EPHB1: variants seen among roughly 807,000 people sequenced by gnomAD.
EPHB1 encodes EPH receptor B1, also known as ephrin type-B receptor 1.
In EPHB1, 30 loss-of-function variants were observed where a neutral mutation model predicts 94.4. That is an observed-to-expected ratio of 0.32 (90% confidence interval 0.24 to 0.43). The LOEUF is 0.43. Ranked by LOEUF, EPHB1 falls within the 20% of genes least tolerant of loss-of-function variation. EPHB1 has a pLI of 1.00. For missense variants in EPHB1, 1,055 were observed against 1,308.3 expected (o/e 0.81, Z 2.99); for synonymous variants, 522 against 489.1 (o/e 1.07, Z -0.89).
intron 3 of EPHB1, among the ~76,000 whole-genome samples, chr3:134,960,218 G>A (rs1443786546): frequency 6.6e-6 from 1 of 151,954 alleles, no homozygotes; most frequent in African/African-American, 2.4e-5. Flanking sequence ...GTGCAGTAGG[G>A]TGAAGAAGAC....
intron 12 of EPHB1, among the ~76,000 whole-genome samples, chr3:135,234,787 T>TGAGAACTC (rs1331752421): frequency 3.9e-5 from 6 of 152,202 alleles, no homozygotes; most frequent in Non-Finnish European, 7.3e-5. Flanking sequence ...TCAGATCTTG[T>TGAGAACTC]GAGAACTCAC....
chr3:135,107,891 G>C (rs1230609129), intron 4 of EPHB1, among the ~76,000 whole-genome samples: 1 of 152,144 alleles, frequency 6.6e-6, no homozygotes, highest in East Asian at 1.9e-4. Flanking sequence ...TGTTTCTGCT[G>C]ACCAGAAGTC....
chr3:135,000,182 A>G (rs1021889765), intron 3 of EPHB1, among the ~76,000 whole-genome samples: 2 of 152,204 alleles, frequency 1.3e-5, no homozygotes, highest in African/African-American at 4.8e-5. Flanking sequence ...CATGTGAAAA[A>G]CCTAGCTTTG....
At chr3:134,979,935 C>A (rs36117) in intron 3 of EPHB1, among the ~76,000 whole-genome samples, 95,968 of 152,050 alleles carry the variant, frequency 0.63, 32,106 homozygotes, top group African/African-American at 0.83. Flanking sequence ...TGTTACTTTG[C>A]GGCCCAAATG....
At chr3:134,936,696 G>T (rs2039009872) in intron 2 of EPHB1, among the ~76,000 whole-genome samples, 1 of 152,188 alleles carries the variant, frequency 6.6e-6, no homozygotes, top group African/African-American at 2.4e-5. Context: ...GTGGAGACAG[G>T]CATGTCCAAT....
At chr3:135,131,875 C>T (rs908299824) in intron 4 of EPHB1, among the ~76,000 whole-genome samples, 2 of 152,164 alleles carry the variant, frequency 1.3e-5, no homozygotes, top group Admixed American at 6.5e-5. Flanking sequence ...CTTTGGAATC[C>T]CGCAGGTATG....
chr3:134,870,532 C>G (rs554345386), intron 1 of EPHB1, among the ~76,000 whole-genome samples: 40 of 152,302 alleles, frequency 2.6e-4, no homozygotes, highest in African/African-American at 8.7e-4. Flanking sequence ...TCCCAGGGAC[C>G]CAACCAGACA....
intron 3 of EPHB1, among the ~76,000 whole-genome samples, chr3:134,954,032 A>T (rs1405078240): frequency 6.6e-6 from 1 of 152,250 alleles, no homozygotes; most frequent in South Asian, 2.1e-4. Flanking sequence ...GGTAAAGGAA[A>T]TGGGGAACCC....
intron 5 of EPHB1, among the ~76,000 whole-genome samples, chr3:135,135,222 G>T (rs1399929730): frequency 6.6e-6 from 1 of 152,076 alleles, no homozygotes; most frequent in Non-Finnish European, 1.5e-5. Context: ...GCTGAGAGAA[G>T]GATGCAATTT....
At chr3:134,889,545 T>G (rs1407618155) in intron 1 of EPHB1, among the ~76,000 whole-genome samples, 1 of 152,080 alleles carries the variant, frequency 6.6e-6, no homozygotes, top group African/African-American at 2.4e-5. Flanking sequence ...CATTAATCAG[T>G]CTCTTTTTAT....
intron 6 of EPHB1, among the ~76,000 whole-genome samples, chr3:135,160,838 T>A (rs1376324480): frequency 6.6e-6 from 1 of 152,018 alleles, no homozygotes; most frequent in South Asian, 2.1e-4. Flanking sequence ...GCTTAAGCAA[T>A]CTGGAGGGAG....
intron 12 of EPHB1, among the ~76,000 whole-genome samples, chr3:135,203,994 TTTTTAA>T (rs1942829138): frequency 6.6e-6 from 1 of 152,148 alleles, no homozygotes; most frequent in South Asian, 2.1e-4. Context: ...ACTTTTTTAA[TTTTTAA>T]TTTTAATTTT....
chr3:134,955,071 CT>C (rs1197013147), intron 3 of EPHB1, among the ~76,000 whole-genome samples: 23 of 8,414 alleles, frequency 2.7e-3, no homozygotes, highest in African/African-American at 6.9e-3. Context: ...GACATCCTTT[CT>C]TTTTTTTTTT....
intron 4 of EPHB1, among the ~76,000 whole-genome samples, chr3:135,115,538 A>G (rs1042288996): frequency 5.9e-5 from 9 of 151,584 alleles, no homozygotes; most frequent in African/African-American, 2.2e-4. Flanking sequence ...ATGCCTGTTC[A>G]CTGGACTGGA....
At chr3:134,932,779 C>T (rs567374000) in intron 2 of EPHB1, among the ~76,000 whole-genome samples, 37 of 152,264 alleles carry the variant, frequency 2.4e-4, no homozygotes, top group African/African-American at 8.4e-4. Context: ...GACAGAAAAG[C>T]CTGAGCTAGA....
At chr3:134,797,401 G>T (rs542492734) in intron 1 of EPHB1, among the ~76,000 whole-genome samples, 1 of 152,306 alleles carries the variant, frequency 6.6e-6, no homozygotes, top group East Asian at 1.9e-4. Flanking sequence ...ATTTGCAAGG[G>T]CAATTCCAGA....
At chr3:134,802,251 A>C (rs927014406) in intron 1 of EPHB1, among the ~76,000 whole-genome samples, 2 of 151,858 alleles carry the variant, frequency 1.3e-5, no homozygotes, top group African/African-American at 2.4e-5. Flanking sequence ...CCTGGCTAAC[A>C]CAGTGAAACC....
intron 14 of EPHB1, 88 bp downstream of exon 14, chr3:135,248,597 A>G (rs1468923159): frequency 7.3e-7 from 1 of 1,369,088 alleles, no homozygotes; most frequent in Non-Finnish European, 9.8e-7. Context: ...ATCATGTTCG[A>G]ATTTTTTAAA....
chr3:135,135,010 T>C (rs1940567548), intron 5 of EPHB1, among the ~76,000 whole-genome samples: 1 of 152,146 alleles, frequency 6.6e-6, no homozygotes, highest in South Asian at 2.1e-4. Context: ...GGCCCTGCAT[T>C]ACCAACATGC....
Sources: gnomAD v4.1 joint callset for allele counts (sites outside exome capture counted in the v4.1 genomes callset) on GRCh38, gnomAD v4.1.1 for gene constraint, MANE v1.5 for transcripts, NCBI Gene and HGNC (gene_info 2026-07-23, HGNC 2026-07-21) for gene names.